SPTBN2: variants seen among roughly 807,000 people sequenced by gnomAD.
The protein encoded by SPTBN2 is spectrin beta chain, non-erythrocytic 2.
SPTBN2 carries 107 observed loss-of-function variants against 284.2 expected under a neutral mutation model. That is an observed-to-expected ratio of 0.38 (90% CI 0.32 to 0.44). SPTBN2 has a LOEUF of 0.44. Among genes scored for constraint, SPTBN2 ranks in the 20% least tolerant of loss-of-function variants. The probability of loss-of-function intolerance (pLI) is 1.00; values close to 1 mark genes in which losing one functional copy is unlikely to be tolerated. For missense variants in SPTBN2, 2,569 were observed against 3,287.1 expected (o/e 0.78, Z 5.34); for synonymous variants, 1,289 against 1,354.8 (o/e 0.95, Z 1.07).
At chr11:66,696,067 A>G (rs141941939) in intron 21 of SPTBN2, among the ~76,000 whole-genome samples, 91 of 152,224 alleles carry the variant, frequency 6.0e-4, no homozygotes, top group African/African-American at 2.1e-3. Context: ...TGAAGTTCTC[A>G]TCGTCAAATT....
chr11:66,686,229 T>C (rs772255292), intron 37 of SPTBN2, 125 bp from the exon 38 acceptor site: 6 of 1,380,120 alleles, frequency 4.3e-6, no homozygotes, highest in South Asian at 1.2e-5. Flanking sequence ...ATTAGGAGAA[T>C]GTGGCCGGCT....
Position 66,701,051 on chromosome 11 carries a change from G to A in SPTBN2, c.3048C>T (p.Gly1016=), listed in dbSNP as rs540897209. Residue 1016 remains glycine (G), a synonymous_variant, in exon 17 of 38, where the codon GGC becomes GGT. Coordinates refer to ENST00000533211, the MANE Select transcript of SPTBN2 (RefSeq NM_006946.4). ...GGGCATTTGCCTCTCGAGTCAGTTC[G>A]CCCACCCGGGCGGCGATGGCCTCCA... ...RDLEAIAARV[G]ELTREANALA... 44 of 1,609,672 alleles carry A rather than the reference G, an allele frequency of 2.7e-5. No homozygotes were observed. The highest frequency in any genetic ancestry group is 1.6e-4 in the Middle Eastern group (1 of 6,070).
Position 66,710,480 on chromosome 11 carries a change from A to G in SPTBN2, c.1073+102T>C. The G allele has an allele frequency of 8.3e-7, 1 of 1,211,364 alleles. No homozygotes were observed. The highest frequency in any genetic ancestry group is 1.2e-6 in the Non-Finnish European group (1 of 842,490). 75.0% of individuals were successfully genotyped at this position (1,211,364 alleles called of 1,614,324 possible). On this transcript the variant is annotated intron_variant, in intron 10 of 37. Transcript: ENST00000533211. This position sits in a 1 kb window ranked among gnomAD's most constrained non-coding sequence, Gnocchi z 4.9. Reference sequence around the variant, plus strand: ...TTCTGGTGTGGGAAATCTCCACTGCATTTATGTACTGCCAAATTTCCCTCC... The same window carrying G: ...TTCTGGTGTGGGAAATCTCCACTGCGTTTATGTACTGCCAAATTTCCCTCC...
intron 13 of SPTBN2, among the ~76,000 whole-genome samples, chr11:66,706,139 C>G (rs1941544047): frequency 6.6e-6 from 1 of 152,176 alleles, no homozygotes; most frequent in Non-Finnish European, 1.5e-5. Flanking sequence ...CAGCACCCAG[C>G]AGCCTTCCTT....
chr11:66,740,244 A>G (rs1304176383), intron 1 of SPTBN2, among the ~76,000 whole-genome samples: 1 of 152,178 alleles, frequency 6.6e-6, no homozygotes, highest in East Asian at 1.9e-4. Flanking sequence ...TCAGTTATTC[A>G]AGGAGAGGAA....
chr11:66,686,181 AGAG>A, intron 37 of SPTBN2, 77 bp from the exon 38 acceptor site: 4 of 1,484,970 alleles, frequency 2.7e-6, no homozygotes, highest in East Asian at 2.3e-5. Flanking sequence ...GGGAAGTGTA[AGAG>A]GAGGAGGCAG....
At chr11:66,716,487 A>AAAAG (rs1942157554) in intron 3 of SPTBN2, among the ~76,000 whole-genome samples, 2 of 152,038 alleles carry the variant, frequency 1.3e-5, no homozygotes, top group African/African-American at 4.8e-5. Flanking sequence ...CTCAAAAAAA[A>AAAAG]AAAAGAAAAG....
intron 1 of SPTBN2, among the ~76,000 whole-genome samples, chr11:66,737,163 C>A (rs1439962270): frequency 6.6e-6 from 1 of 152,078 alleles, no homozygotes; most frequent in Non-Finnish European, 1.5e-5. Context: ...GCAAACCTTG[C>A]CTTAGGTAAA....
In SPTBN2 at chr11:66,682,696, C is replaced by G. The variant is rs1342044355; in HGVS notation, c.*3175G>C. The stretch of plus-strand genomic sequence containing the variant: ...ATGGCTGGGTGGCTGCTGCTGTGGA[C>G]AGCATGGACCTAAAGTCCACTCTTG... On this transcript the variant is annotated 3_prime_UTR_variant, in exon 38 of 38. Coordinates refer to ENST00000533211, the MANE Select transcript of SPTBN2 (RefSeq NM_006946.4). Among the ~76,000 whole-genome samples the G allele has an allele frequency of 6.6e-6, 1 of 152,108 alleles. No individual in the cohort carries two copies. The highest frequency in any genetic ancestry group is 1.5e-5 in the Non-Finnish European group (1 of 68,024).
At chr11:66,690,940 C>G (rs1440060366) in intron 27 of SPTBN2, among the ~76,000 whole-genome samples, 1 of 152,206 alleles carries the variant, frequency 6.6e-6, no homozygotes, top group African/African-American at 2.4e-5. Flanking sequence ...GCCTCAGCCT[C>G]CTGAGTAGCT....
intron 8 of SPTBN2, among the ~76,000 whole-genome samples, chr11:66,711,346 G>T (rs1187813723): frequency 6.6e-6 from 1 of 152,212 alleles, no homozygotes. Flanking sequence ...AAACAGCATT[G>T]CTATGTGGGG....
rs116534626 is a variant in SPTBN2, at chr11:66,705,727, C to T, written c.1764G>A (p.Arg588=). ...ADIAVQAERV[R]AVSASALRFC... is the part of the protein sequence containing the mutation. ...AGCGCAGGGCAGAGGCGCTGACGGC[C>T]CGCACCCTCTCGGCCTGCACGGCGA... Residue 588 remains arginine (R), a synonymous_variant, in exon 14 of 38, where the codon CGG becomes CGA. Coordinates refer to ENST00000533211, the MANE Select transcript of SPTBN2 (RefSeq NM_006946.4). The T allele has an allele frequency of 5.2e-5, 84 of 1,612,634 alleles. No homozygotes were observed. In the African/African-American group the frequency reaches 1.1e-3, roughly 20 times the overall value.
rs201505041 is a variant in SPTBN2 at position 66,694,120 on chromosome 11, C to T, written c.4503+19G>A. 108 of 1,602,096 alleles carry T rather than the reference C, an allele frequency of 6.7e-5. No individual in the cohort carries two copies. The highest frequency in any genetic ancestry group is 8.4e-5 in the Non-Finnish European group (99 of 1,179,870). On this transcript the variant is annotated intron_variant, in intron 22 of 37. Transcript: ENST00000533211. ...ACATGGCTGGGGGCAGCTTGCCGTC[C>T]TTGGCCCCAGTGACTCACAATCTCA...
rs1340645826 is a variant in SPTBN2 at position 66,704,883 on chromosome 11, C to T, written c.2393G>A (p.Ser798Asn). 1 of 1,611,226 alleles carries T rather than the reference C, an allele frequency of 6.2e-7. No individual in the cohort carries two copies. Among genetic ancestry groups the T allele is most frequent in the Non-Finnish European group, 8.5e-7 (1 of 1,179,894 alleles). Residue 798 changes from serine to asparagine, a missense_variant, in exon 15 of 38, where the codon AGC becomes AAC. Ser to Asn is a conservative substitution (Grantham distance 46, BLOSUM62 1). Around this residue, in one of 6 missense-constraint regions of SPTBN2, gnomAD observed 1,012 missense variants for 1,248.9 expected, o/e 0.81. Coordinates refer to ENST00000533211, the MANE Select transcript of SPTBN2 (RefSeq NM_006946.4). ...QHRALEEEIR[S>N]HRPTLDALRE... is the part of the protein sequence containing the mutation. ...CAAGGCGTCCAGGGTTGGCCGGTGGCTTCGAATCTCCTCCTCCAGGGCCCG... is the reference window on the plus strand; with the variant it reads ...CAAGGCGTCCAGGGTTGGCCGGTGGTTTCGAATCTCCTCCTCCAGGGCCCG...
chr11:66,703,692 G>A (rs374894319), intron 15 of SPTBN2, among the ~76,000 whole-genome samples: 3 of 151,620 alleles, frequency 2.0e-5, no homozygotes, highest in Admixed American at 2.0e-4. Context: ...AGCCGAGATC[G>A]CACCACTGCG....
chr11:66,704,909 A>C lies in SPTBN2; in HGVS notation c.2367T>G (p.His789Gln). 1 of 1,611,688 alleles carries C rather than the reference A, an allele frequency of 6.2e-7. No homozygotes were observed. Among genetic ancestry groups the C allele is most frequent in the Non-Finnish European group, 8.5e-7 (1 of 1,179,892 alleles). ...TTCGAATCTCCTCCTCCAGGGCCCGATGCTGCCTGGCTAGAGCCTGCGTGG... is the reference window on the plus strand; with the variant it reads ...TTCGAATCTCCTCCTCCAGGGCCCGCTGCTGCCTGGCTAGAGCCTGCGTGG... ...EFSTQALARQ[H>Q]RALEEEIRSH... Residue 789 changes from histidine to glutamine, a missense_variant, in exon 15 of 38, where the codon CAT (histidine) becomes CAG (glutamine). By Grantham distance (24) the His-to-Gln change is conservative. Around this residue, in one of 6 missense-constraint regions of SPTBN2, gnomAD observed 1,012 missense variants for 1,248.9 expected, o/e 0.81. Coordinates refer to ENST00000533211, the MANE Select transcript of SPTBN2 (RefSeq NM_006946.4).
At position 66,691,289 on chromosome 11, in the gene SPTBN2, G is replaced by A; in HGVS notation, c.5560C>T (p.Pro1854Ser). 6.5e-7 allele frequency: 1 copy of A among 1,531,024 alleles called. No individual in the cohort carries two copies. The highest frequency in any genetic ancestry group is 8.8e-7 in the Non-Finnish European group (1 of 1,136,042). 94.8% of individuals were successfully genotyped at this position (1,531,024 alleles called of 1,614,324 possible). A position where few individuals can be genotyped will look rare whatever the true frequency, so the allele number is the denominator to read the frequency against. The change falls in exon 27 of 38, where the codon CCC (proline) becomes TCC (serine). Residue 1854 changes from proline to serine, a missense_variant. Around this residue, in one of 6 missense-constraint regions of SPTBN2, gnomAD observed 1,130 missense variants for 1,317.3 expected, o/e 0.86. Coordinates refer to ENST00000533211, the MANE Select transcript of SPTBN2 (RefSeq NM_006946.4). This position sits in a 1 kb window ranked among gnomAD's most constrained non-coding sequence, Gnocchi z 8.0. ...AYEHDIQALS[P>S]QVQQVQDDGH... is the part of the protein sequence containing the mutation. ...TCCTCATGCTTGGGTCAGACCTGGG[G>A]GCTGAGGGCCTGAATGTCATGCTCG...
intron 16 of SPTBN2, 134 bp from the exon 17 acceptor site, chr11:66,701,416 A>G: frequency 1.4e-6 from 2 of 1,481,046 alleles, no homozygotes; most frequent in Non-Finnish European, 1.8e-6. Context: ...GACCACCTTG[A>G]CCCCCTCTCT....
chr11:66,699,364 T>TC, intron 18 of SPTBN2, 42 bp downstream of exon 18: 1 of 1,606,472 alleles, frequency 6.2e-7, no homozygotes, highest in Non-Finnish European at 8.5e-7. Flanking sequence ...TTTCTCCGAT[T>TC]CCCCCCTGGG....
Sources: allele counts gnomAD v4.1 joint callset (sites outside exome capture counted in the v4.1 genomes callset), GRCh38; gene constraint gnomAD v4.1.1; regional missense constraint gnomAD v4.1.1; non-coding constraint Gnocchi (gnomAD v3.1); transcripts MANE v1.5; gene names NCBI Gene and HGNC (gene_info 2026-07-23, HGNC 2026-07-21).